The following POLR3A variants were observed in gnomAD, a reference collection of about 807,000 sequenced individuals.
The protein encoded by POLR3A is RNA polymerase III subunit A.
POLR3A carries 112 observed loss-of-function variants against 152.8 expected under a neutral mutation model. The ratio of observed to expected loss-of-function variants is 0.73; its 90% confidence interval spans 0.63 to 0.86. The LOEUF is 0.86. POLR3A is among the 40% of genes least tolerant of loss of function. POLR3A has a pLI of 0.00. For synonymous variants in POLR3A, 615 were observed against 652.1 expected (o/e 0.94, Z 0.87); for missense variants, 1,385 against 1,743.1 (o/e 0.79, Z 3.66).
In POLR3A at chr10:77,977,375, G is replaced by T; in HGVS notation, c.*103C>A. On this transcript the variant is annotated 3_prime_UTR_variant, in exon 31 of 31. Coordinates refer to ENST00000372371, the MANE Select transcript of POLR3A (RefSeq NM_007055.4). ...GGCTTCTCTGATTGCTGGCATAGGT[G>T]GGGACCTCAGGACCCCCGTCCCAGG... The T allele has an allele frequency of 8.6e-7, 1 of 1,168,558 alleles. No individual in the cohort carries two copies. Among genetic ancestry groups the T allele is most frequent in the Non-Finnish European group, 1.3e-6 (1 of 776,204 alleles). The allele number at this position is 1,168,558 out of a possible 1,614,324, so 72.4% of individuals were successfully genotyped here. A position where few individuals can be genotyped will look rare whatever the true frequency, so the allele number is the denominator to read the frequency against.
chr10:78,025,853 CT>C, intron 2 of POLR3A, 94 bp from the exon 3 acceptor site: 1 of 1,266,586 alleles, frequency 7.9e-7, no homozygotes, highest in Non-Finnish European at 1.2e-6. Flanking sequence ...AGAATCATTT[CT>C]TTTGCTTCTT....
intron 19 of POLR3A, among the ~76,000 whole-genome samples, chr10:77,994,279 C>G (rs1057457934): frequency 6.6e-6 from 1 of 152,106 alleles, no homozygotes; most frequent in African/African-American, 2.4e-5. Flanking sequence ...AAATAGGCGT[C>G]TACTGACTTG....
intron 1 of POLR3A, among the ~76,000 whole-genome samples, chr10:78,029,017 C>T (rs1270574889): frequency 6.6e-6 from 1 of 152,140 alleles, no homozygotes; most frequent in African/African-American, 2.4e-5. Context: ...GTCCCCGCCC[C>T]AGATTGCTCC....
chr10:77,999,656 C>A (rs1215432469), intron 19 of POLR3A, among the ~76,000 whole-genome samples: 2 of 152,274 alleles, frequency 1.3e-5, no homozygotes, highest in South Asian at 2.1e-4. Context: ...CTTGCAATAA[C>A]CCTCATTGTC....
At chr10:78,007,676 T>G in intron 15 of POLR3A, 26 bp downstream of exon 15, 1 of 1,608,272 alleles carries the variant, frequency 6.2e-7, no homozygotes, top group Admixed American at 1.7e-5. Flanking sequence ...CAGCTTTAAC[T>G]AAAAGAAGGA....
At chr10:78,004,017 C>T (rs2913134) in intron 16 of POLR3A, among the ~76,000 whole-genome samples, 75,970 of 149,272 alleles carry the variant, frequency 0.51, 20,513 homozygotes, top group Non-Finnish European at 0.6. Flanking sequence ...GGGCAGATCA[C>T]GAGGTCAGGA....
intron 8 of POLR3A, chr10:78,019,564 C>T (rs140648630): frequency 8.1e-4 from 348 of 432,254 alleles, no homozygotes; most frequent in African/African-American, 6.4e-3. Context: ...TAGGAACCTT[C>T]TGTGATCCTA....
chr10:78,003,761 A>G (rs1847382660), intron 16 of POLR3A, among the ~76,000 whole-genome samples: 1 of 151,884 alleles, frequency 6.6e-6, no homozygotes, highest in Non-Finnish European at 1.5e-5. Flanking sequence ...CGCCTCTACT[A>G]AAAATGCAAA....
At chr10:78,017,474 G>T in intron 10 of POLR3A, 101 bp downstream of exon 10, 6 of 1,175,264 alleles carry the variant, frequency 5.1e-6, no homozygotes, top group South Asian at 1.3e-5. Flanking sequence ...ATGAAAACTT[G>T]AGATAACAGG....
chr10:77,993,395 C>A (rs893184610), intron 19 of POLR3A, 28 bp from the exon 20 acceptor site: 6 of 1,595,532 alleles, frequency 3.8e-6, no homozygotes, highest in East Asian at 2.2e-5. Flanking sequence ...AAAAGCTCAG[C>A]TGCTTTGAGA....
chr10:77,995,821 T>G (rs1415443447), intron 19 of POLR3A, among the ~76,000 whole-genome samples: 1 of 152,128 alleles, frequency 6.6e-6, no homozygotes, highest in East Asian at 1.9e-4. Flanking sequence ...CTAATAGACA[T>G]CTACAGAATT....
At chr10:77,995,333 G>A (rs996858957) in intron 19 of POLR3A, among the ~76,000 whole-genome samples, 3 of 152,148 alleles carry the variant, frequency 2.0e-5, no homozygotes, top group Admixed American at 1.3e-4. Context: ...ATGTAAATGG[G>A]CTAAATGCTC....
At chr10:77,993,667 C>T (rs1013550313) in intron 19 of POLR3A, among the ~76,000 whole-genome samples, 2 of 152,172 alleles carry the variant, frequency 1.3e-5, no homozygotes, top group African/African-American at 4.8e-5. Flanking sequence ...TTTTCCTAGG[C>T]TGTTTTACCT....
At chr10:77,993,417 A>T (rs749814493) in intron 19 of POLR3A, 50 bp from the exon 20 acceptor site, 1 of 1,391,704 alleles carries the variant, frequency 7.2e-7, no homozygotes, top group Non-Finnish European at 1.0e-6. Flanking sequence ...GACTAGTCAC[A>T]TGGGGAGAGG....
At chr10:78,007,482 G>A (rs1323751077) in intron 15 of POLR3A, among the ~76,000 whole-genome samples, 1 of 152,184 alleles carries the variant, frequency 6.6e-6, no homozygotes, top group Non-Finnish European at 1.5e-5. Flanking sequence ...CTGGTTTTGA[G>A]AAGAGAACTG....
At position 77,991,096 on chromosome 10, in the gene POLR3A, C is replaced by T; in HGVS notation, c.2859G>A (p.Met953Ile). 6.2e-7 allele frequency: 1 copy of T among 1,613,758 alleles called. No individual in the cohort carries two copies. The highest frequency in any genetic ancestry group is 8.5e-7 in the Non-Finnish European group (1 of 1,179,612). Residue 953 changes from methionine (M) to isoleucine (I), a missense_variant, in exon 21 of 31, where the codon ATG becomes ATA. By Grantham distance (10) the Met-to-Ile change is conservative (BLOSUM62 1). Transcript: ENST00000372371. ...NELILTTESI[M>I]KKSEFLCCQD... ...GGCAGCAGAGGAACTCACTCTTCTT[C>T]ATGATGGACTCTGTGGTCAGGATCA...
Position 78,010,394 on chromosome 10 carries a change from A to G in POLR3A, c.1642+77T>C, listed in dbSNP as rs541218622. ...AGGCTATTAAATAGCTTTTCAAGTCATCACATGAATCACTATGAACGAGGA... is the reference window on the plus strand; with the variant it reads ...AGGCTATTAAATAGCTTTTCAAGTCGTCACATGAATCACTATGAACGAGGA... On this transcript the variant is annotated intron_variant, in intron 12 of 30. Coordinates refer to ENST00000372371, the MANE Select transcript of POLR3A (RefSeq NM_007055.4). 50 of 1,126,952 alleles carry G rather than the reference A, an allele frequency of 4.4e-5. No homozygotes were observed. In the African/African-American group the frequency reaches 7.2e-4, roughly 16 times the overall value. The allele number at this position is 1,126,952 out of a possible 1,614,324, so 69.8% of individuals were successfully genotyped here.
intron 19 of POLR3A, among the ~76,000 whole-genome samples, chr10:77,999,484 G>A (rs1473615163): frequency 1.3e-5 from 2 of 152,106 alleles, no homozygotes; most frequent in East Asian, 3.9e-4. Context: ...GTTTAGCCCT[G>A]TGCCCCAGAG....
intron 21 of POLR3A, among the ~76,000 whole-genome samples, chr10:77,989,555 T>G (rs940913527): frequency 4.6e-5 from 7 of 152,134 alleles, no homozygotes; most frequent in African/African-American, 1.4e-4. Flanking sequence ...AATAAACAAA[T>G]GCTGCCGGGT....
Sources: gnomAD v4.1 joint callset for allele counts (sites outside exome capture counted in the v4.1 genomes callset) on GRCh38, gnomAD v4.1.1 for gene constraint, MANE v1.5 for transcripts, NCBI Gene and HGNC (gene_info 2026-07-23, HGNC 2026-07-21) for gene names.